NXN: variants seen among roughly 807,000 people sequenced by gnomAD.
NXN encodes nucleoredoxin.
In NXN, 16 loss-of-function variants were observed where a neutral mutation model predicts 48.6. That is an observed-to-expected ratio of 0.33 (90% confidence interval 0.22 to 0.50). The LOEUF (loss-of-function observed/expected upper bound fraction) is 0.50, where lower values mean the gene tolerates loss of function less well. NXN is among the 20% of genes least tolerant of loss of function. NXN has a pLI of 0.98. For synonymous variants in NXN, 281 were observed against 269.6 expected, an observed-to-expected ratio of 1.04 and a Z score of -0.41; for missense variants, 492 against 605.5, an observed-to-expected ratio of 0.81 and a Z score of 1.97.
intron 1 of NXN, among the ~76,000 whole-genome samples, chr17:900,233 T>C (rs990089384): frequency 6.6e-6 from 1 of 151,666 alleles, no homozygotes; most frequent in Non-Finnish European, 1.5e-5. Flanking sequence ...GCCATTGCAC[T>C]CCAGCCTGGG....
chr17:805,023 C>G, intron 6 of NXN, 45 bp downstream of exon 6: 2 of 1,505,618 alleles, frequency 1.3e-6, no homozygotes, highest in Non-Finnish European at 1.8e-6. Context: ...CCTCCTGTCC[C>G]GCCCCCCAGC....
intron 1 of NXN, among the ~76,000 whole-genome samples, chr17:921,705 G>A (rs995364090): frequency 4.7e-5 from 7 of 148,886 alleles, no homozygotes; most frequent in Non-Finnish European, 8.9e-5. Context: ...ACACCTGGCC[G>A]GCCCAGGCTC....
chr17:954,378 C>T (rs1030675647), intron 1 of NXN, among the ~76,000 whole-genome samples: 1 of 152,092 alleles, frequency 6.6e-6, no homozygotes, highest in East Asian at 1.9e-4. Context: ...AAGACTCCAT[C>T]TCCAAAAAAA....
chr17:979,662 TC>T lies in NXN; in HGVS notation c.16del (p.Glu6ArgfsTer9). The T allele has an allele frequency of 6.8e-7, 1 of 1,471,572 alleles. No individual in the cohort carries two copies. Among genetic ancestry groups the T allele is most frequent in the Non-Finnish European group, 9.0e-7 (1 of 1,111,150 alleles). The allele number at this position is 1,471,572 out of a possible 1,614,324, so 91.2% of individuals were successfully genotyped here. A position where few individuals can be genotyped will look rare whatever the true frequency, so the allele number is the denominator to read the frequency against. MSGFL[E>X]ELLGEKLVTG... Reference sequence around the variant, plus strand: ...CACCAGCTTCTCGCCGAGCAGCTCCTCCAGGAAGCCCGACATCCTGGCCCAC... The same window carrying T: ...CACCAGCTTCTCGCCGAGCAGCTCCTCAGGAAGCCCGACATCCTGGCCCAC... On this transcript the variant is annotated frameshift_variant, in exon 1 of 8. Coordinates refer to ENST00000336868, the MANE Select transcript of NXN (RefSeq NM_022463.5). LOFTEE classifies it high-confidence loss of function.
At chr17:953,545 A>C (rs2069135728) in intron 1 of NXN, among the ~76,000 whole-genome samples, 1 of 152,204 alleles carries the variant, frequency 6.6e-6, no homozygotes, top group Non-Finnish European at 1.5e-5. Context: ...CCTCGCGCCC[A>C]GCATAAACCT....
In NXN at chr17:870,058, C is replaced by T. The variant is rs534253719; in HGVS notation, c.361-43980G>A. On this transcript the variant is annotated intron_variant, in intron 1 of 7. Transcript: ENST00000336868. The stretch of plus-strand genomic sequence containing the variant: ...TGTCACATTGCGGGGTGGAGTGTTA[C>T]TGACACAGTAGGTAGAAGCCAGGAT... Among the ~76,000 whole-genome samples, 240 of 152,226 alleles carry T rather than the reference C, an allele frequency of 1.6e-3. 1 individual carries two copies. Among genetic ancestry groups the T allele is most frequent in the African/African-American group, 5.2e-3 (216 of 41,524 alleles).
chr17:881,395 T>G (rs1174527967), intron 1 of NXN, among the ~76,000 whole-genome samples: 1 of 152,126 alleles, frequency 6.6e-6, no homozygotes, highest in East Asian at 1.9e-4. Flanking sequence ...ACCACCACAC[T>G]CGAAAATTTT....
chr17:812,205 G>A (rs1015673527), intron 5 of NXN, among the ~76,000 whole-genome samples: 2 of 152,090 alleles, frequency 1.3e-5, no homozygotes, highest in African/African-American at 4.8e-5. Flanking sequence ...GGGATTACAG[G>A]CGTGAGCCAC....
intron 5 of NXN, among the ~76,000 whole-genome samples, chr17:812,006 C>T (rs1191957108): frequency 1.4e-5 from 2 of 139,568 alleles, no homozygotes; most frequent in African/African-American, 5.4e-5. Flanking sequence ...CGGCTCACTG[C>T]AAGCTCCGTC....
intron 1 of NXN, among the ~76,000 whole-genome samples, chr17:831,557 C>T (rs934203146): frequency 6.6e-6 from 1 of 151,928 alleles, no homozygotes; most frequent in Non-Finnish European, 1.5e-5. Context: ...AACCTCCGCT[C>T]ACTGCAACCT....
At chr17:921,133 G>A (rs141723092) in intron 1 of NXN, among the ~76,000 whole-genome samples, 10 of 152,252 alleles carry the variant, frequency 6.6e-5, no homozygotes, top group East Asian at 5.8e-4. Context: ...TAGACGGGAC[G>A]GCGTTCAGCC....
In NXN at chr17:872,932, G is replaced by C. The variant is rs545208774; in HGVS notation, c.361-46854C>G. 4.6e-5 allele frequency among the ~76,000 whole-genome samples: 7 copies of C among 152,192 alleles called. No homozygotes were observed. The East Asian group carries it at 1.4e-3, about 30-fold the overall frequency. On this transcript the variant is annotated intron_variant, in intron 1 of 7. Coordinates refer to ENST00000336868, the MANE Select transcript of NXN (RefSeq NM_022463.5). ...CCACACCCAGCTGAGATCAACATTT[G>C]AATCAGCAGACTCGGAATATAAAGC...
In NXN at chr17:958,232, C is replaced by T. The variant is rs1567519432; in HGVS notation, c.360+21087G>A. Reference sequence around the variant, plus strand: ...AGGCTTTTCTTGCAGGAGGTGGCTGCCAGCTTGTCCCTTCCCCGGTGCCTC... The same window carrying T: ...AGGCTTTTCTTGCAGGAGGTGGCTGTCAGCTTGTCCCTTCCCCGGTGCCTC... On this transcript the variant is annotated intron_variant, in intron 1 of 7. Transcript: ENST00000336868. The surrounding 1 kb of genome is among the most constrained non-coding windows in gnomAD (Gnocchi z 6.9). 6.6e-6 allele frequency among the ~76,000 whole-genome samples: 1 copy of T among 152,204 alleles called. No homozygotes were observed. Among genetic ancestry groups the T allele is most frequent in the Non-Finnish European group, 1.5e-5 (1 of 68,040 alleles).
At chr17:876,510 T>G (rs2068217598) in intron 1 of NXN, among the ~76,000 whole-genome samples, 1 of 152,218 alleles carries the variant, frequency 6.6e-6, no homozygotes, top group African/African-American at 2.4e-5. Flanking sequence ...GCGTGTTTCA[T>G]GTACGTCTCC....
At chr17:810,513 C>A (rs778313513) in intron 5 of NXN, among the ~76,000 whole-genome samples, 1 of 152,144 alleles carries the variant, frequency 6.6e-6, no homozygotes, top group Non-Finnish European at 1.5e-5. Flanking sequence ...TGACAAACAC[C>A]AACCAATGCC....
intron 1 of NXN, among the ~76,000 whole-genome samples, chr17:851,593 A>C (rs1025956343): frequency 1.3e-5 from 2 of 152,260 alleles, no homozygotes; most frequent in African/African-American, 4.8e-5. Context: ...TGATGAAGCC[A>C]GATGTGAAAT....
rs1914304930 is a variant in NXN, at chr17:841,637, CACCCTGACCACAGCGCATCTCACGCCG to C, written c.361-15586_361-15560del. ...AGCATCTCACACGGGCAAGCAGGTC[CACCCTGACCACAGCGCATCTCACGCCG>C]GCGAGCAGGTCCACCCTGACCATGG... On this transcript the variant is annotated intron_variant, in intron 1 of 7. Coordinates refer to ENST00000336868, the MANE Select transcript of NXN (RefSeq NM_022463.5). Among the ~76,000 whole-genome samples the C allele has an allele frequency of 4.7e-5, 6 of 126,844 alleles. 1 individual carries two copies. The highest frequency in any genetic ancestry group is 4.8e-4 in the East Asian group (2 of 4,132). 83.2% of individuals were successfully genotyped at this position (126,844 alleles called of 152,430 possible). A position where few individuals can be genotyped will look rare whatever the true frequency, so the allele number is the denominator to read the frequency against.
chr17:843,620 G>C (rs2067825972), intron 1 of NXN, among the ~76,000 whole-genome samples: 2 of 152,208 alleles, frequency 1.3e-5, no homozygotes, highest in Non-Finnish European at 1.5e-5. Context: ...GGAGTGAGGA[G>C]CCAGCGTCGA....
chr17:836,223 A>C (rs1913819294), intron 1 of NXN, among the ~76,000 whole-genome samples: 2 of 152,198 alleles, frequency 1.3e-5, no homozygotes, highest in Admixed American at 1.3e-4. Flanking sequence ...AGCAACATGG[A>C]ATCTGCCCCC....
Sources: gnomAD v4.1 joint callset for allele counts (sites outside exome capture counted in the v4.1 genomes callset) on GRCh38, gnomAD v4.1.1 for gene constraint, Gnocchi (gnomAD v3.1) non-coding constraint, MANE v1.5 for transcripts, NCBI Gene and HGNC (gene_info 2026-07-23, HGNC 2026-07-21) for gene names.